Variants in PTBP2 observed in about 807,000 individuals in gnomAD.
PTBP2 encodes the protein polypyrimidine tract-binding protein 2.
A neutral mutation model predicts 61.4 loss-of-function variants in PTBP2; 13 were observed. That is an observed-to-expected ratio of 0.21 (90% CI 0.14 to 0.34). The LOEUF is 0.34. Among genes scored for constraint, PTBP2 ranks in the 10% least tolerant of loss-of-function variants. The pLI, the probability that PTBP2 is intolerant of heterozygous loss-of-function variation, is 1.00. For missense variants in PTBP2, 405 were observed against 642.6 expected (o/e 0.63, Z 4.00); for synonymous variants, 215 against 218.5 (o/e 0.98, Z 0.14).
At chr1:96,728,021 ACT>A (rs1456323701) in intron 2 of PTBP2, among the ~76,000 whole-genome samples, 3 of 151,700 alleles carry the variant, frequency 2.0e-5, no homozygotes, top group Non-Finnish European at 4.4e-5. Flanking sequence ...ACAGGACCTG[ACT>A]CTGTCACCCC....
At chr1:96,821,821 G>T (rs933151590) in exon 14 of PTBP2, 3 of 152,006 alleles carry the variant, frequency 2.0e-5, no homozygotes, top group Non-Finnish European at 4.4e-5. Flanking sequence ...TAGAGACAGG[G>T]TTTTACCATG....
intron 2 of PTBP2, among the ~76,000 whole-genome samples, chr1:96,749,333 A>G (rs979759247): frequency 3.9e-5 from 6 of 152,220 alleles, no homozygotes; most frequent in African/African-American, 1.4e-4. Flanking sequence ...ACAAATAGTC[A>G]AACATCAGAA....
intron 3 of PTBP2, among the ~76,000 whole-genome samples, chr1:96,768,817 C>T (rs898208441): frequency 2.0e-5 from 3 of 151,912 alleles, no homozygotes; most frequent in African/African-American, 7.2e-5. Context: ...GTTTAGACGG[C>T]AATAGTAATA....
chr1:96,770,951 A>G (rs1229342470), intron 5 of PTBP2, 100 bp downstream of exon 5: 2 of 992,868 alleles, frequency 2.0e-6, no homozygotes, highest in East Asian at 2.5e-5. Context: ...GATGTTCCTT[A>G]TAGGCATTTT....
downstream of PTBP2, chr1:96,819,216 C>T (rs866900407): frequency 1.6e-4 from 24 of 151,920 alleles, no homozygotes; most frequent in African/African-American, 5.8e-4. Context: ...ATTCTCTATT[C>T]CTATTGCATA....
chr1:96,821,393 C>G (rs927030437), exon 14 of PTBP2: 3 of 151,218 alleles, frequency 2.0e-5, no homozygotes, highest in Non-Finnish European at 4.4e-5. Context: ...AGGAGTGTAC[C>G]TGCAGTTAAC....
Position 96,748,427 on chromosome 1 carries a change from C to A in PTBP2, c.40-2998C>A, listed in dbSNP as rs186471730. Among the ~76,000 whole-genome samples, 143 of 142,108 alleles carry A rather than the reference C, an allele frequency of 1.0e-3. 1 individual carries two copies. Among genetic ancestry groups the A allele is most frequent in the African/African-American group, 3.4e-3 (136 of 40,552 alleles). The allele number at this position is 142,108 out of a possible 152,430, so 93.2% of individuals were successfully genotyped here. A position where few individuals can be genotyped will look rare whatever the true frequency, so the allele number is the denominator to read the frequency against. On this transcript the variant is annotated intron_variant, in intron 2 of 13. Coordinates refer to ENST00000674951, the MANE Select transcript of PTBP2 (RefSeq NM_021190.4). ...CTAAATGGCCTTTAATCTGTACTTG[C>A]TTTTGCACATTTTTTTTTAAGTGGT...
Position 96,769,775 on chromosome 1 carries a change from T to C in PTBP2, c.188T>C (p.Ile63Thr). The change falls in exon 4 of 14, where the codon ATT (isoleucine) becomes ACT (threonine). Residue 63 changes from isoleucine to threonine, a missense_variant. Ile to Thr is a moderately conservative substitution (Grantham distance 89). Coordinates refer to ENST00000674951, the MANE Select transcript of PTBP2 (RefSeq NM_021190.4). ...GGTGCTCCTTCTCGTGTACTTCATATTCGAAAATTACCTGGGGAAGTAACA... is the reference window on the plus strand; with the variant it reads ...GGTGCTCCTTCTCGTGTACTTCATACTCGAAAATTACCTGGGGAAGTAACA... ...MDGAPSRVLHIRKLPGEVTET... is the reference protein window; with the variant it reads ...MDGAPSRVLHTRKLPGEVTET... The C allele has an allele frequency of 1.2e-6, 2 of 1,612,044 alleles. No homozygotes were observed. The highest frequency in any genetic ancestry group is 1.7e-6 in the Non-Finnish European group (2 of 1,178,798).
chr1:96,779,602 T>C (rs1309811071), intron 7 of PTBP2, among the ~76,000 whole-genome samples: 1 of 152,126 alleles, frequency 6.6e-6, no homozygotes, highest in Non-Finnish European at 1.5e-5. Flanking sequence ...TTGATGTTTG[T>C]GCACAGGTAT....
At chr1:96,795,454 G>T (rs1307746081) in intron 8 of PTBP2, among the ~76,000 whole-genome samples, 1 of 152,138 alleles carries the variant, frequency 6.6e-6, no homozygotes, top group Non-Finnish European at 1.5e-5. Flanking sequence ...GAGTTCTGTG[G>T]AGTTGTGAAT....
chr1:96,819,898 G>C (rs1662622878), downstream of PTBP2: 1 of 151,702 alleles, frequency 6.6e-6, no homozygotes, highest in Admixed American at 6.6e-5. Flanking sequence ...GAGATTTGTA[G>C]AATTCTAAAA....
chr1:96,782,929 T>A (rs1300937123), intron 7 of PTBP2, among the ~76,000 whole-genome samples: 2 of 152,014 alleles, frequency 1.3e-5, no homozygotes, highest in Non-Finnish European at 2.9e-5. Context: ...ACTTTAAATT[T>A]ACATGAAAAC....
intron 8 of PTBP2, among the ~76,000 whole-genome samples, chr1:96,795,062 G>C (rs1350184059): frequency 6.6e-6 from 1 of 152,144 alleles, no homozygotes; most frequent in African/African-American, 2.4e-5. Context: ...CCAAGTTTTA[G>C]ATGTTTGGCT....
At chr1:96,785,930 A>C (rs754236782) in intron 8 of PTBP2, among the ~76,000 whole-genome samples, 1 of 152,220 alleles carries the variant, frequency 6.6e-6, no homozygotes, top group Non-Finnish European at 1.5e-5. Context: ...GAAGAAAAAA[A>C]TAAGGAAAAT....
At chr1:96,742,128 TA>T (rs1324762034) in intron 2 of PTBP2, among the ~76,000 whole-genome samples, 1 of 152,250 alleles carries the variant, frequency 6.6e-6, no homozygotes, top group Non-Finnish European at 1.5e-5. Flanking sequence ...ATTTAGTAGT[TA>T]ATTGGGAGAA....
intron 3 of PTBP2, among the ~76,000 whole-genome samples, chr1:96,765,124 C>G (rs1028885746): frequency 6.6e-6 from 1 of 151,740 alleles, no homozygotes; most frequent in East Asian, 1.9e-4. Flanking sequence ...AGCTTAGAGT[C>G]TTTTTATTTT....
At chr1:96,820,148 A>C (rs1374433402) in exon 14 of PTBP2, 1 of 152,074 alleles carries the variant, frequency 6.6e-6, no homozygotes, top group Admixed American at 6.5e-5. Flanking sequence ...GTTCACTTAT[A>C]AGGATTATGT....
At chr1:96,730,752 C>T (rs368532656) in intron 2 of PTBP2, among the ~76,000 whole-genome samples, 1 of 152,164 alleles carries the variant, frequency 6.6e-6, no homozygotes, top group African/African-American at 2.4e-5. Flanking sequence ...TTGGCTCTTT[C>T]ACAATTAAAG....
chr1:96,797,727 C>T (rs1268449318), intron 8 of PTBP2, among the ~76,000 whole-genome samples: 1 of 152,068 alleles, frequency 6.6e-6, no homozygotes, highest in South Asian at 2.1e-4. Context: ...TAAATCATCT[C>T]TAGATTACTT....
Sources: allele counts gnomAD v4.1 joint callset (sites outside exome capture counted in the v4.1 genomes callset), GRCh38; gene constraint gnomAD v4.1.1; transcripts MANE v1.5; gene names NCBI Gene and HGNC (gene_info 2026-07-23, HGNC 2026-07-21).